Variants in STK35 observed in about 807,000 individuals in gnomAD.
The protein encoded by STK35 is serine/threonine-protein kinase 35.
A neutral mutation model predicts 37.3 loss-of-function variants in STK35; 17 were observed. That is an observed-to-expected ratio of 0.46 (90% CI 0.31 to 0.68). The LOEUF is 0.68. Ranked by LOEUF, STK35 falls within the 30% of genes least tolerant of loss-of-function variation. The pLI is 0.05. For synonymous variants in STK35, 385 were observed against 319.1 expected, an observed-to-expected ratio of 1.21 and a Z score of -2.20; for missense variants, 595 against 746.7, an observed-to-expected ratio of 0.80 and a Z score of 2.37.
At chr20:2,109,173 G>T (rs1009221304) in intron 2 of STK35, among the ~76,000 whole-genome samples, 2 of 152,180 alleles carry the variant, frequency 1.3e-5, no homozygotes, top group Admixed American at 1.3e-4. Context: ...ACTGCAGCCT[G>T]TAAGAGGTGC....
chr20:2,114,005 C>A (rs1011801349), intron 2 of STK35, among the ~76,000 whole-genome samples: 16 of 152,026 alleles, frequency 1.1e-4, no homozygotes, highest in African/African-American at 2.9e-4. Context: ...GGGTCTGAAC[C>A]CAAACTCTTT....
intron 3 of STK35, among the ~76,000 whole-genome samples, chr20:2,143,152 G>A (rs555182851): frequency 1.3e-5 from 2 of 152,244 alleles, no homozygotes; most frequent in Middle Eastern, 6.8e-3. Context: ...GCCCGTTCTG[G>A]CTCCAGAGCC....
intron 2 of STK35, among the ~76,000 whole-genome samples, chr20:2,106,283 C>T (rs1306057216): frequency 6.6e-6 from 1 of 152,166 alleles, no homozygotes; most frequent in African/African-American, 2.4e-5. Flanking sequence ...GTTCAGCTCT[C>T]TCATTAAATA....
chr20:2,145,686 C>T lies in STK35; in HGVS notation c.*1940C>T, dbSNP rs1986251259. On this transcript the variant is annotated 3_prime_UTR_variant, in exon 4 of 4. Transcript: ENST00000381482. ...CTGTCTCTGACTTCTCAGGCAGCCT[C>T]CTGAGTGCACTGAGTTGTATCCGAG... 6.6e-6 allele frequency: 1 copy of T among 152,180 alleles called. No homozygotes were observed. Among genetic ancestry groups the T allele is most frequent in the Non-Finnish European group, 1.5e-5 (1 of 68,054 alleles). 9.4% of individuals were successfully genotyped at this position (152,180 alleles called of 1,614,324 possible).
chr20:2,138,518 G>A (rs950062750), intron 3 of STK35, among the ~76,000 whole-genome samples: 6 of 152,112 alleles, frequency 3.9e-5, no homozygotes, highest in African/African-American at 1.4e-4. Flanking sequence ...CTAGTAAATG[G>A]CAGAGCTTGC....
chr20:2,129,116 C>T (rs1185061157), intron 3 of STK35, among the ~76,000 whole-genome samples: 1 of 152,164 alleles, frequency 6.6e-6, no homozygotes, highest in Admixed American at 6.5e-5. Context: ...AGCCACTGCA[C>T]CAGGCCTCTA....
chr20:2,116,448 G>A (rs866343963), intron 2 of STK35, among the ~76,000 whole-genome samples: 5 of 152,150 alleles, frequency 3.3e-5, no homozygotes, highest in South Asian at 2.1e-4. Context: ...CAGTAAACCC[G>A]AGTTTCCACC....
At chr20:2,103,879 C>G (rs1012080529) in intron 2 of STK35, among the ~76,000 whole-genome samples, 3 of 152,130 alleles carry the variant, frequency 2.0e-5, no homozygotes, top group Non-Finnish European at 4.4e-5. Flanking sequence ...CCTCGTCTGC[C>G]TTTTCCTCTG....
At chr20:2,126,749 T>G (rs573817633) in intron 3 of STK35, among the ~76,000 whole-genome samples, 1 of 152,352 alleles carries the variant, frequency 6.6e-6, no homozygotes, top group African/African-American at 2.4e-5. Context: ...CAACCAAGTT[T>G]AAAATAAATC....
intron 3 of STK35, among the ~76,000 whole-genome samples, chr20:2,121,651 G>A (rs1985819520): frequency 6.6e-6 from 1 of 152,132 alleles, no homozygotes; most frequent in African/African-American, 2.4e-5. Flanking sequence ...ACTGGAGTGG[G>A]TATAGACAAG....
chr20:2,143,976 T>A lies in STK35; in HGVS notation c.*230T>A, dbSNP rs1986215066. On this transcript the variant is annotated 3_prime_UTR_variant, in exon 4 of 4. Transcript: ENST00000381482. ...TTCTTTTCTTTTTTTTTTTTCCTCT[T>A]TCCTTTTTTTAAATTTAAACCATTG... is the stretch of plus-strand genomic sequence containing the variant. The A allele has an allele frequency of 2.4e-6, 1 of 413,262 alleles. No individual in the cohort carries two copies. Among genetic ancestry groups the A allele is most frequent in the Non-Finnish European group, 4.7e-6 (1 of 214,792 alleles). 25.6% of individuals were successfully genotyped at this position (413,262 alleles called of 1,614,324 possible).
chr20:2,109,710 C>A (rs1489453757), intron 2 of STK35, among the ~76,000 whole-genome samples: 1 of 152,226 alleles, frequency 6.6e-6, no homozygotes, highest in Non-Finnish European at 1.5e-5. Context: ...GCTCTAGTGT[C>A]CAGGCACCAT....
chr20:2,143,312 T>C (rs1456586574), intron 3 of STK35, among the ~76,000 whole-genome samples: 1 of 152,164 alleles, frequency 6.6e-6, no homozygotes, highest in Non-Finnish European at 1.5e-5. Context: ...TTCTCTTCTG[T>C]AAAACAGGAT....
chr20:2,108,532 G>A (rs1195715348), intron 2 of STK35, among the ~76,000 whole-genome samples: 7 of 151,998 alleles, frequency 4.6e-5, no homozygotes. Flanking sequence ...GAAACTAATG[G>A]CTCCTCTTTG....
intron 2 of STK35, among the ~76,000 whole-genome samples, chr20:2,114,942 T>G (rs1985688299): frequency 6.6e-6 from 1 of 152,214 alleles, no homozygotes; most frequent in South Asian, 2.1e-4. Context: ...TTGTGGGTCT[T>G]TAGCATCTGG....
At chr20:2,118,057 A>G (rs1261579618) in intron 3 of STK35, among the ~76,000 whole-genome samples, 3 of 152,178 alleles carry the variant, frequency 2.0e-5, no homozygotes, top group African/African-American at 7.2e-5. Flanking sequence ...GAGAATAAAC[A>G]CTATCTCTGA....
In STK35 at chr20:2,117,893, C is replaced by T. The variant is rs1368413270; in HGVS notation, c.*37+478C>T. ...CCCCCCCATATCTTGATGGGAGAAA[C>T]GTGCAATTATCTGAGTACACGTTGG... On this transcript the variant is annotated intron_variant, in intron 3 of 3. Coordinates refer to ENST00000381482, the MANE Select transcript of STK35 (RefSeq NM_080836.4). The surrounding 1 kb of genome is among the most constrained non-coding windows in gnomAD (Gnocchi z 4.4). Among the ~76,000 whole-genome samples, 3 of 152,158 alleles carry T rather than the reference C, an allele frequency of 2.0e-5. No homozygotes were observed. Among genetic ancestry groups the T allele is most frequent in the Non-Finnish European group, 4.4e-5 (3 of 68,044 alleles).
chr20:2,105,135 C>T (rs150243811), intron 2 of STK35, among the ~76,000 whole-genome samples: 28 of 147,502 alleles, frequency 1.9e-4, no homozygotes, highest in South Asian at 2.2e-4. Context: ...ATAACCTGGG[C>T]GACTGAGCAA....
Position 2,146,855 on chromosome 20 carries a change from G to A in STK35, c.*3109G>A, listed in dbSNP as rs1427556951. On this transcript the variant is annotated 3_prime_UTR_variant, in exon 4 of 4. Coordinates refer to ENST00000381482, the MANE Select transcript of STK35 (RefSeq NM_080836.4). ...ACTCTCTGCCTCTTACCTCTAGCCAGGAGGATGCCTCAGTCTGTTCATTCG... is the reference window on the plus strand; with the variant it reads ...ACTCTCTGCCTCTTACCTCTAGCCAAGAGGATGCCTCAGTCTGTTCATTCG... The A allele has an allele frequency of 1.3e-5, 2 of 152,346 alleles. No homozygotes were observed. The highest frequency in any genetic ancestry group is 2.4e-5 in the African/African-American group (1 of 41,438). 9.4% of individuals were successfully genotyped at this position (152,346 alleles called of 1,614,324 possible). A position where few individuals can be genotyped will look rare whatever the true frequency, so the allele number is the denominator to read the frequency against.
Sources: gnomAD v4.1 joint callset for allele counts (sites outside exome capture counted in the v4.1 genomes callset) on GRCh38, gnomAD v4.1.1 for gene constraint, Gnocchi (gnomAD v3.1) non-coding constraint, MANE v1.5 for transcripts, NCBI Gene and HGNC (gene_info 2026-07-23, HGNC 2026-07-21) for gene names.